ZNF827: variants seen among roughly 807,000 people sequenced by gnomAD.
ZNF827 encodes the protein zinc finger protein 827.
A neutral mutation model predicts 102.4 loss-of-function variants in ZNF827; 13 were observed. The ratio of observed to expected loss-of-function variants is 0.13; its 90% CI spans 0.08 to 0.20. The LOEUF (loss-of-function observed/expected upper bound fraction) is 0.20. Among genes scored for constraint, ZNF827 ranks in the 10% least tolerant of loss-of-function variants. ZNF827 has a pLI of 1.00. For missense variants in ZNF827, 1,103 were observed against 1,344.4 expected (o/e 0.82, Z 2.81); for synonymous variants, 523 against 536.2 (o/e 0.98, Z 0.34).
At chr4:145,889,180 G>C (rs182175775) in intron 3 of ZNF827, among the ~76,000 whole-genome samples, 11 of 151,924 alleles carry the variant, frequency 7.2e-5, no homozygotes. Flanking sequence ...ATCACAAAAA[G>C]GGAAAAGGAA....
In ZNF827 at chr4:145,765,441, G is replaced by T; in HGVS notation, c.3052+106C>A. On this transcript the variant is annotated intron_variant, in intron 12 of 14. Coordinates refer to ENST00000508784, the MANE Select transcript of ZNF827 (RefSeq NM_001306215.2). This position sits in a 1 kb window ranked among gnomAD's most constrained non-coding sequence, Gnocchi z 4.7. ...GTGAGGCCCAGCATACTGCATCCTGGGCCTATTATCAGTTTTTGACATCGC... is the reference window on the plus strand; with the variant it reads ...GTGAGGCCCAGCATACTGCATCCTGTGCCTATTATCAGTTTTTGACATCGC... 2.2e-6 allele frequency: 3 copies of T among 1,339,202 alleles called. No individual in the cohort carries two copies. The highest frequency in any genetic ancestry group is 3.0e-6 in the Non-Finnish European group (3 of 986,926). The allele number at this position is 1,339,202 out of a possible 1,614,324, so 83.0% of individuals were successfully genotyped here.
At chr4:145,793,169 T>C (rs946357558) in intron 8 of ZNF827, among the ~76,000 whole-genome samples, 1 of 150,178 alleles carries the variant, frequency 6.7e-6, no homozygotes, top group East Asian at 1.9e-4. Flanking sequence ...AACTTCCACA[T>C]AGACAAGGCT....
chr4:145,918,381 C>T (rs1194780191), intron 1 of ZNF827, among the ~76,000 whole-genome samples: 1 of 127,840 alleles, frequency 7.8e-6, no homozygotes, highest in Admixed American at 8.4e-5. Flanking sequence ...TTGCAGACTT[C>T]TGCTCTCCAG....
intron 5 of ZNF827, among the ~76,000 whole-genome samples, chr4:145,851,706 C>T (rs1216462907): frequency 6.6e-6 from 1 of 152,182 alleles, no homozygotes; most frequent in African/African-American, 2.4e-5. Context: ...CCCCCCTTTC[C>T]CTACTCCTGC....
chr4:145,891,252 T>G (rs1405914677), intron 3 of ZNF827, among the ~76,000 whole-genome samples: 10 of 152,346 alleles, frequency 6.6e-5, no homozygotes, highest in Admixed American at 5.9e-4. Context: ...TAAATACTAA[T>G]GACAACTCTT....
In ZNF827 at chr4:145,886,021, C is replaced by A; in HGVS notation, c.1404G>T (p.Glu468Asp). The A allele has an allele frequency of 6.2e-7, 1 of 1,614,178 alleles. No homozygotes were observed. The highest frequency in any genetic ancestry group is 2.2e-5 in the East Asian group (1 of 44,868). ...ATCCCTTGACATCTGGGTCTGGGATCTCCTCCTTCACCTTGGCTTCTGTCC... is the reference window on the plus strand; with the variant it reads ...ATCCCTTGACATCTGGGTCTGGGATATCCTCCTTCACCTTGGCTTCTGTCC... ...FLRTEAKVKE[E>D]IPDPDVKGSP... The change falls in exon 4 of 15, where the codon GAG becomes GAT. Residue 468 changes from glutamate to aspartate, a missense_variant. Transcript: ENST00000508784.
At chr4:145,907,911 T>G (rs1409175941) in intron 1 of ZNF827, among the ~76,000 whole-genome samples, 1 of 152,238 alleles carries the variant, frequency 6.6e-6, no homozygotes. Context: ...AAATTTTGTT[T>G]CCATGTGGCG....
At chr4:145,820,676 C>T (rs1011172182) in intron 8 of ZNF827, among the ~76,000 whole-genome samples, 1 of 152,184 alleles carries the variant, frequency 6.6e-6, no homozygotes, top group Non-Finnish European at 1.5e-5. Flanking sequence ...GTCTGCTTTT[C>T]CCACCCCACT....
rs575228557 is a variant in ZNF827 at position 145,762,155 on chromosome 4, G to C, written c.*18-557C>G. On this transcript the variant is annotated intron_variant, in intron 14 of 14. Transcript: ENST00000508784. The surrounding 1 kb of genome is among the most constrained non-coding windows in gnomAD (Gnocchi z 4.9). ...AATCGTGCTTATTAAGGGTTTGTTA[G>C]GATGAGAAGGCCTGTGTGTGTCTCT... Among the ~76,000 whole-genome samples the C allele has an allele frequency of 5.0e-4, 76 of 152,310 alleles. No individual in the cohort carries two copies. The highest frequency in any genetic ancestry group is 1.8e-3 in the African/African-American group (75 of 41,550).
Position 145,760,736 on chromosome 4 carries a change from T to G in ZNF827, c.*880A>C. 7 of 982,802 alleles carry G rather than the reference T, an allele frequency of 7.1e-6. No individual in the cohort carries two copies. The highest frequency in any genetic ancestry group is 1.8e-5 in the African/African-American group (1 of 56,894). 60.9% of individuals were successfully genotyped at this position (982,802 alleles called of 1,614,324 possible). The stretch of plus-strand genomic sequence containing the variant: ...AGTTTTGTGGTTTTTTTTTTTTTTT[T>G]TGTCTTTTGTCTCTCTGTTTTTGGT... On this transcript the variant is annotated 3_prime_UTR_variant, in exon 15 of 15. Coordinates refer to ENST00000508784, the MANE Select transcript of ZNF827 (RefSeq NM_001306215.2).
intron 7 of ZNF827, among the ~76,000 whole-genome samples, chr4:145,836,390 G>A (rs946234773): frequency 3.9e-5 from 6 of 152,130 alleles, no homozygotes; most frequent in Non-Finnish European, 8.8e-5. Flanking sequence ...TCGTGTCTGC[G>A]TGCAGTGGCT....
intron 4 of ZNF827, among the ~76,000 whole-genome samples, chr4:145,873,599 C>T (rs1488050121): frequency 6.6e-6 from 1 of 152,204 alleles, no homozygotes; most frequent in East Asian, 1.9e-4. Flanking sequence ...TAAAATCTAG[C>T]CCTTTGGGGA....
chr4:145,850,931 T>C (rs1746466727), intron 5 of ZNF827, among the ~76,000 whole-genome samples: 1 of 152,050 alleles, frequency 6.6e-6, no homozygotes, highest in South Asian at 2.1e-4. Context: ...AAGTCAAGAA[T>C]CTCAAGAAGA....
chr4:145,878,602 C>CAGGACAGGACAGGAA (rs1749371294), intron 4 of ZNF827, among the ~76,000 whole-genome samples: 8 of 63,524 alleles, frequency 1.3e-4, no homozygotes, highest in African/African-American at 1.9e-4. Flanking sequence ...CAGGACAGGA[C>CAGGACAGGACAGGAA]AGGAAAGGAA....
At chr4:145,907,360 A>G (rs1029868038) in intron 1 of ZNF827, 11 of 375,330 alleles carry the variant, frequency 2.9e-5, no homozygotes, top group Non-Finnish European at 5.7e-5. Flanking sequence ...TTCCTTTCAC[A>G]CTACATCGTG....
chr4:145,885,063 T>A (rs1020736504), intron 4 of ZNF827, among the ~76,000 whole-genome samples: 4 of 152,086 alleles, frequency 2.6e-5, no homozygotes, highest in African/African-American at 9.7e-5. Flanking sequence ...ATACTTAATG[T>A]CATTGAACTG....
chr4:145,784,842 A>G (rs1168791365), intron 8 of ZNF827, among the ~76,000 whole-genome samples: 1 of 152,160 alleles, frequency 6.6e-6, no homozygotes, highest in Non-Finnish European at 1.5e-5. Flanking sequence ...ATACTTGTCT[A>G]ATGGTAACCT....
chr4:145,761,674 G>T lies in ZNF827; in HGVS notation c.*18-76C>A. On this transcript the variant is annotated intron_variant, in intron 14 of 14. Coordinates refer to ENST00000508784, the MANE Select transcript of ZNF827 (RefSeq NM_001306215.2). The surrounding 1 kb of genome is among the most constrained non-coding windows in gnomAD (Gnocchi z 6.8). ...AGCCGCGCTTCTCGCCGCCTCACCA[G>T]CCTTCCCTCACACCACCCCCCAGTG... The T allele has an allele frequency of 1.1e-6, 1 of 933,396 alleles. No homozygotes were observed. The highest frequency in any genetic ancestry group is 1.4e-6 in the Non-Finnish European group (1 of 693,836). The allele number at this position is 933,396 out of a possible 1,614,324, so 57.8% of individuals were successfully genotyped here.
intron 1 of ZNF827, among the ~76,000 whole-genome samples, chr4:145,906,259 C>T (rs576791852): frequency 2.3e-4 from 35 of 152,300 alleles, no homozygotes; most frequent in Admixed American, 7.2e-4. Flanking sequence ...GCTGCTCACC[C>T]GCTTTCCATT....
Sources: gnomAD v4.1 joint callset for allele counts (sites outside exome capture counted in the v4.1 genomes callset) on GRCh38, gnomAD v4.1.1 for gene constraint, Gnocchi (gnomAD v3.1) non-coding constraint, MANE v1.5 for transcripts, NCBI Gene and HGNC (gene_info 2026-07-23, HGNC 2026-07-21) for gene names.